DGKI: variants seen among roughly 807,000 people sequenced by gnomAD.
DGKI encodes diacylglycerol kinase iota.
A neutral mutation model predicts 147.5 loss-of-function variants in DGKI; 55 were observed. That is an observed-to-expected ratio of 0.37 (90% CI 0.30 to 0.47). The LOEUF is 0.47. DGKI is among the 20% of genes least tolerant of loss of function. The pLI is 1.00. For missense variants in DGKI, 1,007 were observed against 1,323.8 expected, an observed-to-expected ratio of 0.76 and a Z score of 3.71; for synonymous variants, 469 against 477.1, an observed-to-expected ratio of 0.98 and a Z score of 0.22.
At chr7:137,495,839 C>T (rs2128940005) in intron 21 of DGKI, among the ~76,000 whole-genome samples, 1 of 152,214 alleles carries the variant, frequency 6.6e-6, no homozygotes, top group African/African-American at 2.4e-5. Context: ...ATGATAAACC[C>T]ATAAGCCAAC....
rs753942158 is a variant in DGKI at position 137,463,496 on chromosome 7, C to T, written c.2728G>A (p.Val910Met). ...SDLKDLSHSR[V>M]LQSPVSSEDH... Reference sequence around the variant, plus strand: ...CAGCAAGAGAACTCTTACTGTAGCACGCGGGAGTGGCTGAGATCTTTCAGA... The same window carrying T: ...CAGCAAGAGAACTCTTACTGTAGCATGCGGGAGTGGCTGAGATCTTTCAGA... The change falls in exon 27 of 33, where the codon GTG (valine) becomes ATG (methionine). Residue 910 changes from valine to methionine, a missense_variant. Coordinates refer to ENST00000614521, the MANE Select transcript of DGKI (RefSeq NM_001321708.2). 1.7e-5 allele frequency: 27 copies of T among 1,613,956 alleles called. No homozygotes were observed. The highest frequency in any genetic ancestry group is 1.2e-4 in the South Asian group (11 of 91,062).
rs376496631 is a variant in DGKI, at chr7:137,485,358, G to A, written c.2373+16C>T. ...GGCCAGAAGGTAAGAAACAAGGAGA[G>A]TCAATTATTTGTTACCTGGTAATGA... On this transcript the variant is annotated intron_variant, in intron 23 of 32. Transcript: ENST00000614521. 3.6e-5 allele frequency: 57 copies of A among 1,597,218 alleles called. No homozygotes were observed. The highest frequency in any genetic ancestry group is 4.5e-5 in the Non-Finnish European group (53 of 1,168,372).
At chr7:137,517,279 A>AAAG (rs1816788846) in intron 21 of DGKI, among the ~76,000 whole-genome samples, 21 of 79,786 alleles carry the variant, frequency 2.6e-4, no homozygotes, top group Non-Finnish European at 4.2e-4. Flanking sequence ...AAAGAAAAGA[A>AAAG]AAAGAAAGAA....
intron 2 of DGKI, among the ~76,000 whole-genome samples, chr7:137,686,028 G>T (rs554179560): frequency 4.6e-5 from 7 of 152,174 alleles, no homozygotes; most frequent in African/African-American, 1.7e-4. Context: ...CAGCTACTAG[G>T]TCTATGATGC....
chr7:137,793,162 G>A (rs1486655792), intron 1 of DGKI, among the ~76,000 whole-genome samples: 2 of 152,014 alleles, frequency 1.3e-5, no homozygotes, highest in Non-Finnish European at 2.9e-5. Flanking sequence ...ACTTCAAGGA[G>A]CAACGTTCGT....
chr7:137,453,677 T>C (rs551758866), intron 27 of DGKI, among the ~76,000 whole-genome samples: 2 of 152,106 alleles, frequency 1.3e-5, no homozygotes, highest in East Asian at 3.9e-4. Context: ...AAAGGTAACA[T>C]TCATGACCAA....
chr7:137,635,886 C>T (rs1345982777), intron 6 of DGKI, among the ~76,000 whole-genome samples: 1 of 152,172 alleles, frequency 6.6e-6, no homozygotes, highest in African/African-American at 2.4e-5. Flanking sequence ...CCCAGAGCTC[C>T]GGGCTTTGAG....
intron 23 of DGKI, among the ~76,000 whole-genome samples, chr7:137,479,878 T>C (rs1339273418): frequency 2.0e-5 from 3 of 152,110 alleles, no homozygotes; most frequent in Non-Finnish European, 4.4e-5. Flanking sequence ...TACAAATAGG[T>C]ATGTATGTGT....
rs183627408 is a variant in DGKI at position 137,708,164 on chromosome 7, C to T, written c.402-18162G>A. Among the ~76,000 whole-genome samples, 105 of 152,296 alleles carry T rather than the reference C, an allele frequency of 6.9e-4. 1 individual carries two copies. Among genetic ancestry groups the T allele is most frequent in the Admixed American group, 3.9e-3 (59 of 15,300 alleles). On this transcript the variant is annotated intron_variant, in intron 1 of 32. Coordinates refer to ENST00000614521, the MANE Select transcript of DGKI (RefSeq NM_001321708.2). The stretch of plus-strand genomic sequence containing the variant: ...CTCTTCTGCCAGATAGCCAGGTCGC[C>T]AAGCCTGGCTAAGCATATGTTCTAA...
intron 1 of DGKI, chr7:137,843,542 T>A: frequency 2.9e-6 from 1 of 346,978 alleles, no homozygotes; most frequent in Non-Finnish European, 4.1e-6. Flanking sequence ...AGGGGAAATC[T>A]AGGAGTACAG....
chr7:137,503,770 T>C (rs1816267986), intron 21 of DGKI, among the ~76,000 whole-genome samples: 1 of 152,128 alleles, frequency 6.6e-6, no homozygotes, highest in African/African-American at 2.4e-5. Context: ...AGAAAGATCA[T>C]ATTATCTACC....
chr7:137,800,617 A>C (rs182844780), intron 1 of DGKI, among the ~76,000 whole-genome samples: 81 of 152,302 alleles, frequency 5.3e-4, no homozygotes, highest in African/African-American at 1.9e-3. Context: ...CAAATTACCT[A>C]GTCTCAGGTT....
chr7:137,410,040 A>G (rs1812103618), intron 29 of DGKI, among the ~76,000 whole-genome samples: 1 of 152,216 alleles, frequency 6.6e-6, no homozygotes. Flanking sequence ...TTTGAGAAGG[A>G]AAATAAGAAA....
chr7:137,606,858 T>C (rs1343457144), intron 10 of DGKI, among the ~76,000 whole-genome samples: 1 of 152,216 alleles, frequency 6.6e-6, no homozygotes. Context: ...TCATGACATC[T>C]GTTCTTCTAA....
chr7:137,451,736 T>G (rs1157710137), intron 27 of DGKI, among the ~76,000 whole-genome samples: 2 of 152,240 alleles, frequency 1.3e-5, no homozygotes, highest in Non-Finnish European at 2.9e-5. Flanking sequence ...TATGTGCATT[T>G]TCTTGGTAAG....
chr7:137,671,403 A>G (rs1585352885), intron 3 of DGKI, among the ~76,000 whole-genome samples: 1 of 152,236 alleles, frequency 6.6e-6, no homozygotes, highest in Admixed American at 6.5e-5. Context: ...GCAAAATGAC[A>G]GGTGAAGCCA....
At chr7:137,614,975 T>A (rs1251088110) in intron 8 of DGKI, among the ~76,000 whole-genome samples, 1 of 152,088 alleles carries the variant, frequency 6.6e-6, no homozygotes, top group Non-Finnish European at 1.5e-5. Context: ...ACTGCCTACA[T>A]CCTTTAAGGC....
At chr7:137,538,957 A>G (rs902441859) in intron 20 of DGKI, among the ~76,000 whole-genome samples, 1 of 152,210 alleles carries the variant, frequency 6.6e-6, no homozygotes, top group African/African-American at 2.4e-5. Flanking sequence ...CCAGGAGCAG[A>G]GAGAAAGAGC....
intron 29 of DGKI, among the ~76,000 whole-genome samples, chr7:137,410,696 A>T (rs1812129971): frequency 1.3e-5 from 2 of 152,210 alleles, no homozygotes; most frequent in Admixed American, 1.3e-4. Context: ...AATAAAATGG[A>T]AGGGTTTCAA....
Sources: allele counts gnomAD v4.1 joint callset (sites outside exome capture counted in the v4.1 genomes callset), GRCh38; gene constraint gnomAD v4.1.1; transcripts MANE v1.5; gene names NCBI Gene and HGNC (gene_info 2026-07-23, HGNC 2026-07-21).